Variants in CFAP299 observed in about 807,000 individuals in gnomAD.
CFAP299 encodes the protein cilia- and flagella-associated protein 299.
A neutral mutation model predicts 27.0 loss-of-function variants in CFAP299; 21 were observed. That is an observed-to-expected ratio of 0.78 (90% CI 0.55 to 1.12). CFAP299 has a LOEUF of 1.12. Ranked by LOEUF, CFAP299 falls within the 50% of genes most tolerant of loss-of-function variation. The probability of loss-of-function intolerance (pLI) is 0.00; values close to 1 mark genes in which losing one functional copy is unlikely to be tolerated. For missense variants in CFAP299, 310 were observed against 276.6 expected, an observed-to-expected ratio of 1.12 and a Z score of -0.86; for synonymous variants, 104 against 98.1, an observed-to-expected ratio of 1.06 and a Z score of -0.36.
At chr4:80,897,904 TCA>T (rs1734686885) in intron 4 of CFAP299, among the ~76,000 whole-genome samples, 1 of 152,104 alleles carries the variant, frequency 6.6e-6, no homozygotes, top group Non-Finnish European at 1.5e-5. Context: ...CAGGGGTGCC[TCA>T]GTTACTCAGC....
Position 80,555,154 on chromosome 4 carries a change from G to A in CFAP299, c.243-27939G>A, listed in dbSNP as rs1445852630. ...TGTGGGTTTGTCATAGATGGCTCTT[G>A]TTATTTTGAGGTATGTTTCTTCAAT... On this transcript the variant is annotated intron_variant, in intron 2 of 5. Coordinates refer to ENST00000358105, the MANE Select transcript of CFAP299 (RefSeq NM_152770.3). Among the ~76,000 whole-genome samples the A allele has an allele frequency of 2.0e-5, 3 of 152,034 alleles. No homozygotes were observed. The East Asian group carries it at 5.8e-4, about 29-fold the overall frequency.
At chr4:80,782,582 A>G (rs1218607379) in intron 3 of CFAP299, among the ~76,000 whole-genome samples, 1 of 131,882 alleles carries the variant, frequency 7.6e-6, no homozygotes, top group East Asian at 2.1e-4. Flanking sequence ...ATATGAATAT[A>G]TAATATATTC....
intron 3 of CFAP299, among the ~76,000 whole-genome samples, chr4:80,674,655 A>C (rs918165069): frequency 6.6e-6 from 1 of 152,214 alleles, no homozygotes; most frequent in Admixed American, 6.5e-5. Context: ...ACTTTCACGT[A>C]CACTGATCAA....
At chr4:80,463,279 T>A (rs1729543308) in intron 2 of CFAP299, among the ~76,000 whole-genome samples, 3 of 152,142 alleles carry the variant, frequency 2.0e-5, no homozygotes, top group Admixed American at 2.0e-4. Context: ...CAAATGGCTA[T>A]TTTAAAAAAC....
At chr4:80,638,112 C>G (rs1739541881) in intron 3 of CFAP299, among the ~76,000 whole-genome samples, 1 of 152,128 alleles carries the variant, frequency 6.6e-6, no homozygotes, top group East Asian at 1.9e-4. Context: ...AGATGAGAAA[C>G]TGAGACTCAG....
intron 2 of CFAP299, among the ~76,000 whole-genome samples, chr4:80,394,980 G>A (rs1026584740): frequency 4.6e-5 from 7 of 152,006 alleles, no homozygotes; most frequent in African/African-American, 1.7e-4. Flanking sequence ...GGAATTTTGA[G>A]AAAGTTTGTA....
At chr4:80,921,058 T>C (rs996542948) in intron 4 of CFAP299, among the ~76,000 whole-genome samples, 3 of 152,052 alleles carry the variant, frequency 2.0e-5, no homozygotes, top group Non-Finnish European at 4.4e-5. Flanking sequence ...CACACATTAA[T>C]TGCCAAAGCC....
At position 80,357,170 on chromosome 4, in the gene CFAP299, G is replaced by T. The variant is rs551814302; in HGVS notation, c.112-5584G>T. 2.0e-5 allele frequency among the ~76,000 whole-genome samples: 3 copies of T among 152,276 alleles called. No individual in the cohort carries two copies. The South Asian group carries it at 6.2e-4, about 32-fold the overall frequency. On this transcript the variant is annotated intron_variant, in intron 1 of 5. Coordinates refer to ENST00000358105, the MANE Select transcript of CFAP299 (RefSeq NM_152770.3). ...GATTTACATATGTTGAACCAACCTT[G>T]CGTCCCAAGGATGAAGCCAACTTGA... is the stretch of plus-strand genomic sequence containing the variant.
At chr4:80,887,485 A>G (rs1173061028) in intron 4 of CFAP299, among the ~76,000 whole-genome samples, 1 of 152,192 alleles carries the variant, frequency 6.6e-6, no homozygotes, top group Non-Finnish European at 1.5e-5. Context: ...TGGTGAAAAT[A>G]TCCTTCAAGC....
intron 3 of CFAP299, among the ~76,000 whole-genome samples, chr4:80,695,940 G>A: frequency 6.6e-6 from 1 of 152,066 alleles, no homozygotes; most frequent in East Asian, 1.9e-4. Flanking sequence ...ATGAGCCACA[G>A]CGCCCAGCTG....
At chr4:80,450,487 CT>C (rs1728845592) in intron 2 of CFAP299, among the ~76,000 whole-genome samples, 1 of 151,800 alleles carries the variant, frequency 6.6e-6, no homozygotes, top group Non-Finnish European at 1.5e-5. Flanking sequence ...AATCAAAGTA[CT>C]AGGAATAAAA....
chr4:80,560,778 T>C (rs1459405278), intron 2 of CFAP299, among the ~76,000 whole-genome samples: 2 of 152,078 alleles, frequency 1.3e-5, no homozygotes, highest in Non-Finnish European at 2.9e-5. Context: ...GTGGTCTGAG[T>C]GCCAGCTCAG....
chr4:80,566,255 A>G (rs1022866203), intron 2 of CFAP299, among the ~76,000 whole-genome samples: 2 of 152,124 alleles, frequency 1.3e-5, no homozygotes, highest in Non-Finnish European at 2.9e-5. Context: ...TACAGAGGGT[A>G]TCATGCAATA....
intron 4 of CFAP299, among the ~76,000 whole-genome samples, chr4:80,941,554 C>A (rs928020997): frequency 1.3e-5 from 2 of 152,158 alleles, no homozygotes; most frequent in African/African-American, 4.8e-5. Context: ...AACTATTTGT[C>A]CTTACATTTC....
At position 80,588,326 on chromosome 4, in the gene CFAP299, G is replaced by A. The variant is rs1336338802; in HGVS notation, c.333+5143G>A. Among the ~76,000 whole-genome samples the A allele has an allele frequency of 4.6e-5, 7 of 150,734 alleles. No homozygotes were observed. The East Asian group carries it at 5.8e-4, about 12-fold the overall frequency. ...TCTGCCTGGGAAATGAGATCTAAGA[G>A]GGACACTACCAACATCCACTGCAGT... On this transcript the variant is annotated intron_variant, in intron 3 of 5. Coordinates refer to ENST00000358105, the MANE Select transcript of CFAP299 (RefSeq NM_152770.3).
chr4:80,396,807 C>T (rs1725822027), intron 2 of CFAP299, among the ~76,000 whole-genome samples: 2 of 152,232 alleles, frequency 1.3e-5, no homozygotes, highest in Middle Eastern at 3.4e-3. Context: ...ATTTTAGCAT[C>T]GATGTTCATC....
At chr4:80,332,281 A>C (rs2109958677), upstream of CFAP299, among the ~76,000 whole-genome samples, 1 of 152,326 alleles carries the variant, frequency 6.6e-6, no homozygotes, top group Admixed American at 6.5e-5. Flanking sequence ...TCTTTCCAAA[A>C]GTTTTGCTGT....
chr4:80,429,283 C>A (rs913871432), intron 2 of CFAP299, among the ~76,000 whole-genome samples: 2 of 152,110 alleles, frequency 1.3e-5, no homozygotes, highest in Non-Finnish European at 2.9e-5. Context: ...TTGAAAGAAT[C>A]ATGTAGTCTT....
At chr4:80,760,097 T>G (rs990040339) in intron 3 of CFAP299, among the ~76,000 whole-genome samples, 4 of 152,164 alleles carry the variant, frequency 2.6e-5, no homozygotes, top group Non-Finnish European at 4.4e-5. Flanking sequence ...AATTTCTAAA[T>G]TCATTCAATT....
Sources: allele counts gnomAD v4.1 joint callset (sites outside exome capture counted in the v4.1 genomes callset), GRCh38; gene constraint gnomAD v4.1.1; transcripts MANE v1.5; gene names NCBI Gene and HGNC (gene_info 2026-07-23, HGNC 2026-07-21).